MTR: variants seen among roughly 807,000 people sequenced by gnomAD.
The protein encoded by MTR is methionine synthase.
MTR carries 84 observed loss-of-function variants against 154.8 expected under a neutral mutation model. That is an observed-to-expected ratio of 0.54 (90% confidence interval 0.45 to 0.65). The LOEUF (loss-of-function observed/expected upper bound fraction) is 0.65. Among genes scored for constraint, MTR ranks in the 30% least tolerant of loss-of-function variants. The probability of loss-of-function intolerance (pLI) is 0.00; values close to 1 mark genes in which losing one functional copy is unlikely to be tolerated. For missense variants in MTR, 1,275 were observed against 1,570.2 expected (o/e 0.81, Z 3.18); for synonymous variants, 554 against 553.9 (o/e 1.00, Z 0.00).
Position 236,900,125 on chromosome 1 carries a change from C to T in MTR, c.*2481C>T, listed in dbSNP as rs1297633032. 5.2e-6 allele frequency: 2 copies of T among 380,978 alleles called. No homozygotes were observed. The highest frequency in any genetic ancestry group is 3.2e-5 in the Admixed American group (1 of 30,814). 23.6% of individuals were successfully genotyped at this position (380,978 alleles called of 1,614,324 possible). A position where few individuals can be genotyped will look rare whatever the true frequency, so the allele number is the denominator to read the frequency against. On this transcript the variant is annotated 3_prime_UTR_variant, in exon 33 of 33. Coordinates refer to ENST00000366577, the MANE Select transcript of MTR (RefSeq NM_000254.3). ...GAATGTGTAAGAATGTTCATAGTTA[C>T]ATATTTATAATAGTTAATAACTGGA...
At chr1:236,892,931 AG>A (rs2147945197) in intron 29 of MTR, among the ~76,000 whole-genome samples, 1 of 152,290 alleles carries the variant, frequency 6.6e-6, no homozygotes, top group Non-Finnish European at 1.5e-5. Flanking sequence ...TCACCTTTTT[AG>A]TAGCCTCTGG....
intron 13 of MTR, among the ~76,000 whole-genome samples, chr1:236,835,186 G>A (rs1662835848): frequency 6.6e-6 from 1 of 152,020 alleles, no homozygotes; most frequent in Non-Finnish European, 1.5e-5. Context: ...CTGCAGCACA[G>A]AGGTGGGAAC....
intron 1 of MTR, among the ~76,000 whole-genome samples, chr1:236,798,439 TTGC>T: frequency 6.6e-6 from 1 of 152,326 alleles, no homozygotes; most frequent in East Asian, 1.9e-4. Flanking sequence ...TTTGGAACAC[TTGC>T]TGTGAATCAG....
chr1:236,796,189 G>C (rs922239476), intron 1 of MTR, among the ~76,000 whole-genome samples: 1 of 152,150 alleles, frequency 6.6e-6, no homozygotes, highest in Non-Finnish European at 1.5e-5. Flanking sequence ...CTACTACATG[G>C]AACTTTTTAT....
chr1:236,839,214 A>G (rs1663088307), intron 15 of MTR, among the ~76,000 whole-genome samples: 1 of 152,196 alleles, frequency 6.6e-6, no homozygotes, highest in Admixed American at 6.5e-5. Context: ...TTGGAAGAAA[A>G]TAAACTTAGA....
intron 1 of MTR, among the ~76,000 whole-genome samples, chr1:236,798,637 A>G (rs146492535): frequency 6.6e-6 from 1 of 152,322 alleles, no homozygotes; most frequent in African/African-American, 2.4e-5. Context: ...ACATAAAAAT[A>G]TTTCTGAAAT....
intron 27 of MTR, among the ~76,000 whole-genome samples, chr1:236,886,581 CAT>C (rs1666022849): frequency 6.6e-6 from 1 of 152,200 alleles, no homozygotes; most frequent in Admixed American, 6.5e-5. Flanking sequence ...GAGATGGACT[CAT>C]AGCAGCTCTC....
At chr1:236,850,746 G>A (rs895506667) in intron 16 of MTR, among the ~76,000 whole-genome samples, 6 of 152,178 alleles carry the variant, frequency 3.9e-5, no homozygotes, top group Non-Finnish European at 8.8e-5. Flanking sequence ...TGATGAACTC[G>A]CTTGAACCCA....
Position 236,900,702 on chromosome 1 carries a change from G to T in MTR, c.*3058G>T, listed in dbSNP as rs1272619682. ...TATGGTGATTTTGTAGGTAATGTTT[G>T]TATATGTCAAATACAGTTTTTAAGG... On this transcript the variant is annotated 3_prime_UTR_variant, in exon 33 of 33. Transcript: ENST00000366577. 1 of 152,188 alleles carries T rather than the reference G, an allele frequency of 6.6e-6. No individual in the cohort carries two copies. The highest frequency in any genetic ancestry group is 1.5e-5 in the Non-Finnish European group (1 of 68,038). 9.4% of individuals were successfully genotyped at this position (152,188 alleles called of 1,614,324 possible).
chr1:236,896,345 G>T (rs1425800530), intron 31 of MTR, among the ~76,000 whole-genome samples: 1 of 152,228 alleles, frequency 6.6e-6, no homozygotes, highest in Non-Finnish European at 1.5e-5. Context: ...GAAACCATGA[G>T]CTGTGCTGAA....
chr1:236,894,624 T>G, intron 30 of MTR, 67 bp downstream of exon 30: 1 of 1,552,134 alleles, frequency 6.4e-7, no homozygotes, highest in Non-Finnish European at 8.8e-7. Context: ...CTGGGGTGGG[T>G]GCCTGAAGAC....
chr1:236,896,321 C>G (rs1257506705), intron 31 of MTR, among the ~76,000 whole-genome samples: 1 of 152,198 alleles, frequency 6.6e-6, no homozygotes, highest in Non-Finnish European at 1.5e-5. Context: ...ATAAAGGCAT[C>G]CAGATTTAAG....
chr1:236,837,816 C>A (rs1396046917), intron 14 of MTR, among the ~76,000 whole-genome samples: 1 of 152,232 alleles, frequency 6.6e-6, no homozygotes, highest in Non-Finnish European at 1.5e-5. Context: ...CCCTTCCTTT[C>A]ATCTTTCCTG....
rs951155550 is a variant in MTR at position 236,880,050 on chromosome 1, A to G, written c.2595-705A>G. Among the ~76,000 whole-genome samples, 70 of 152,100 alleles carry G rather than the reference A, an allele frequency of 4.6e-4. 1 individual carries two copies. The highest frequency in any genetic ancestry group is 1.7e-3 in the African/African-American group (69 of 41,528). On this transcript the variant is annotated intron_variant, in intron 24 of 32. Coordinates refer to ENST00000366577, the MANE Select transcript of MTR (RefSeq NM_000254.3). ...GTGGCGGGTGCCTGTAGTCCCAGCT[A>G]CTTGGGAGGCTGAGGCAGGAGAATG...
At chr1:236,873,108 T>A (rs1424467927) in intron 22 of MTR, among the ~76,000 whole-genome samples, 1 of 152,264 alleles carries the variant, frequency 6.6e-6, no homozygotes, top group Non-Finnish European at 1.5e-5. Flanking sequence ...TAAAAAAGAC[T>A]GAACTTCTGA....
chr1:236,856,135 C>T (rs1015895564), intron 18 of MTR, among the ~76,000 whole-genome samples: 3 of 152,130 alleles, frequency 2.0e-5, no homozygotes, highest in African/African-American at 7.2e-5. Flanking sequence ...TGCTCCCTTC[C>T]CACCCCATAA....
intron 26 of MTR, among the ~76,000 whole-genome samples, chr1:236,885,671 T>G (rs1665972922): frequency 6.6e-6 from 1 of 152,208 alleles, no homozygotes; most frequent in Non-Finnish European, 1.5e-5. Context: ...AATGATGTTT[T>G]AAGAACTGTC....
At chr1:236,834,622 T>G (rs1200347355) in intron 13 of MTR, among the ~76,000 whole-genome samples, 1 of 152,144 alleles carries the variant, frequency 6.6e-6, no homozygotes, top group Non-Finnish European at 1.5e-5. Flanking sequence ...TTTTTTTTCC[T>G]TGGGCTAAAA....
rs776369067 is a variant in MTR at position 236,894,378 on chromosome 1, A to G, written c.3226A>G (p.Thr1076Ala). ...TAAGGCTGAGAAGGACTCTGCCAGC[A>G]CGGAGCCATACTACTGCCTCTCAGA... ...RQQAEKDSAS[T>A]EPYYCLSDFI... Residue 1076 changes from threonine to alanine, a missense_variant, in exon 30 of 33, where the codon ACG (threonine) becomes GCG (alanine). Thr to Ala is a moderately conservative substitution (Grantham distance 58). Transcript: ENST00000366577. The G allele has an allele frequency of 7.4e-6, 12 of 1,614,094 alleles. No homozygotes were observed. The highest frequency in any genetic ancestry group is 8.5e-7 in the Non-Finnish European group (1 of 1,180,040).
Sources: gnomAD v4.1 joint callset for allele counts (sites outside exome capture counted in the v4.1 genomes callset) on GRCh38, gnomAD v4.1.1 for gene constraint, MANE v1.5 for transcripts, NCBI Gene and HGNC (gene_info 2026-07-23, HGNC 2026-07-21) for gene names.